The following RPH3A variants were observed in gnomAD, a reference collection of about 807,000 sequenced individuals.
RPH3A encodes the protein rabphilin-3A.
A neutral mutation model predicts 102.2 loss-of-function variants in RPH3A; 48 were observed. The ratio of observed to expected loss-of-function variants is 0.47; its 90% confidence interval spans 0.37 to 0.60. The LOEUF is 0.60. Among genes scored for constraint, RPH3A ranks in the 20% least tolerant of loss-of-function variants. RPH3A has a pLI of 0.00. For synonymous variants in RPH3A, 310 were observed against 324.3 expected (o/e 0.96, Z 0.47); for missense variants, 781 against 910.1 (o/e 0.86, Z 1.83).
intron 1 of RPH3A, among the ~76,000 whole-genome samples, chr12:112,697,891 T>C (rs968671187): frequency 6.6e-6 from 1 of 152,042 alleles, no homozygotes; most frequent in African/African-American, 2.4e-5. Context: ...AACAGACTTT[T>C]TTTTTCTTTA....
At chr12:112,869,689 CT>C in intron 8 of RPH3A, 69 bp from the exon 9 acceptor site, 1 of 1,476,080 alleles carries the variant, frequency 6.8e-7, no homozygotes, top group Non-Finnish European at 9.5e-7. Flanking sequence ...CCTTTGTAGG[CT>C]TCTTAAGTAC....
chr12:112,649,117 T>A (rs925167850), intron 1 of RPH3A, among the ~76,000 whole-genome samples: 9 of 152,230 alleles, frequency 5.9e-5, no homozygotes, highest in Non-Finnish European at 1.2e-4. Flanking sequence ...CAGGCCCCTT[T>A]ACACAAATTT....
At chr12:112,576,135 G>A (rs1401078372) in intron 1 of RPH3A, among the ~76,000 whole-genome samples, 1 of 152,206 alleles carries the variant, frequency 6.6e-6, no homozygotes, top group Non-Finnish European at 1.5e-5. Flanking sequence ...AGGGAAACAG[G>A]TAGGCAAGGT....
chr12:112,797,630 G>T (rs2041258664), intron 2 of RPH3A, among the ~76,000 whole-genome samples: 1 of 152,064 alleles, frequency 6.6e-6, no homozygotes, highest in Non-Finnish European at 1.5e-5. Context: ...TTAATAATCA[G>T]CTGTCCAGCC....
intron 1 of RPH3A, among the ~76,000 whole-genome samples, chr12:112,727,458 G>GACACACACAC (rs60493848): frequency 1.8e-3 from 55 of 30,606 alleles, no homozygotes; most frequent in African/African-American, 0.012. Flanking sequence ...CACAGACACA[G>GACACACACAC]ACACACACAC....
In RPH3A at chr12:112,628,568, CAAAAAAAAAAAAAAAAAAAA is replaced by C. The variant is rs771688201; in HGVS notation, c.-140+53272_-140+53291del. Among the ~76,000 whole-genome samples the C allele has an allele frequency of 5.2e-4, 14 of 27,048 alleles. 1 individual carries two copies. Among genetic ancestry groups the C allele is most frequent in the African/African-American group, 8.0e-4 (6 of 7,506 alleles). The allele number at this position is 27,048 out of a possible 152,430, so 17.7% of individuals were successfully genotyped here. The stretch of plus-strand genomic sequence containing the variant: ...AACATTGCAAGGCCTGTCTTTACCA[CAAAAAAAAAAAAAAAAAAAA>C]AAAAAAAAAAAAAAAAAAAAAATCA... On this transcript the variant is annotated intron_variant, in intron 1 of 21. Transcript: ENST00000543106.
chr12:112,733,420 A>G (rs2040647467), intron 1 of RPH3A, among the ~76,000 whole-genome samples: 1 of 152,086 alleles, frequency 6.6e-6, no homozygotes. Flanking sequence ...CAAGAGGCTT[A>G]CTGGGGGTTA....
rs534931593 is a variant in RPH3A at position 112,705,408 on chromosome 12, T to C, written c.-139-86735T>C. ...AGAAATTCTTGCCACCTACTCAGAG[T>C]AACTCTACTCCTTAAAAGGTATTCT... On this transcript the variant is annotated intron_variant, in intron 1 of 21. Coordinates refer to the RPH3A transcript ENST00000543106. 1.4e-4 allele frequency among the ~76,000 whole-genome samples: 21 copies of C among 152,270 alleles called. 1 individual carries two copies. In the East Asian group the frequency reaches 3.1e-3, roughly 22 times the overall value.
At chr12:112,746,062 C>T (rs1278689451) in intron 1 of RPH3A, among the ~76,000 whole-genome samples, 3 of 152,150 alleles carry the variant, frequency 2.0e-5, no homozygotes. Flanking sequence ...CCCCTTGCAA[C>T]CTGTTCTTCC....
In RPH3A at chr12:112,896,974, G is replaced by C. The variant is rs2043189504; in HGVS notation, c.*194G>C. 5.1e-6 allele frequency: 3 copies of C among 586,220 alleles called. No homozygotes were observed. The South Asian group carries it at 6.3e-5, about 12-fold the overall frequency. 36.3% of individuals were successfully genotyped at this position (586,220 alleles called of 1,614,324 possible). ...CCTCCTCCCTGATGCTGGGATGTGG[G>C]CTCTGAATACAGCCCCTCTCTCATC... is the stretch of plus-strand genomic sequence containing the variant. On this transcript the variant is annotated 3_prime_UTR_variant, in exon 22 of 22. Coordinates refer to ENST00000389385, the MANE Select transcript of RPH3A (RefSeq NM_001143854.2).
rs1555209147 is a variant in RPH3A, at chr12:112,791,867, G to GGGGAGAGA, written c.-284_-283insGGAGAGAG. 3 of 48,482 alleles carry GGGGAGAGA rather than the reference G, an allele frequency of 6.2e-5. No homozygotes were observed. The highest frequency in any genetic ancestry group is 1.1e-4 in the Non-Finnish European group (3 of 27,246). The allele number at this position is 48,482 out of a possible 1,614,324, so 3.0% of individuals were successfully genotyped here. ...CGCGGACTGGAAAGGAAGGGAGAAG[G>GGGGAGAGA]GAGAGAGAGAGAGAGAGAGAGAGAG... On this transcript the variant is annotated 5_prime_UTR_variant, in exon 1 of 22. Coordinates refer to ENST00000389385, the MANE Select transcript of RPH3A (RefSeq NM_001143854.2).
At chr12:112,687,183 T>G (rs1196767553) in intron 1 of RPH3A, among the ~76,000 whole-genome samples, 1 of 152,204 alleles carries the variant, frequency 6.6e-6, no homozygotes, top group Non-Finnish European at 1.5e-5. Context: ...GGGTTTACTA[T>G]TTAAGAAATC....
intron 1 of RPH3A, among the ~76,000 whole-genome samples, chr12:112,756,908 C>A (rs1278331397): frequency 6.6e-6 from 1 of 152,208 alleles, no homozygotes; most frequent in East Asian, 1.9e-4. Flanking sequence ...GTATTATTAA[C>A]CTTTCCAATT....
intron 1 of RPH3A, among the ~76,000 whole-genome samples, chr12:112,599,328 A>G (rs2039540410): frequency 6.6e-6 from 1 of 152,206 alleles, no homozygotes; most frequent in Admixed American, 6.5e-5. Flanking sequence ...AAATAGAAGA[A>G]GAAAACCATA....
intron 1 of RPH3A, among the ~76,000 whole-genome samples, chr12:112,666,294 G>A (rs776720903): frequency 2.6e-5 from 4 of 152,088 alleles, no homozygotes. Context: ...GAAGGTAGGG[G>A]ATATGTCTAA....
In RPH3A at chr12:112,638,608, A is replaced by C. The variant is rs141374808; in HGVS notation, c.-140+63289A>C. 6.9e-3 allele frequency among the ~76,000 whole-genome samples: 1,057 copies of C among 152,330 alleles called. 16 individuals are homozygous for C. Among genetic ancestry groups the C allele is most frequent in the African/African-American group, 0.019 (810 of 41,568 alleles). ...TATGGTCAACAGGGTGGTTTTCTGC[A>C]GGACTTCTCAGAGCCTTTAATATGT... On this transcript the variant is annotated intron_variant, in intron 1 of 21. Transcript: ENST00000543106.
intron 10 of RPH3A, 39 bp from the exon 11 acceptor site, chr12:112,875,044 TG>T: frequency 6.6e-7 from 1 of 1,522,756 alleles, no homozygotes; most frequent in Non-Finnish European, 9.0e-7. Flanking sequence ...TGTGTGTGTG[TG>T]TGACACATAA....
intron 1 of RPH3A, among the ~76,000 whole-genome samples, chr12:112,653,563 T>C (rs536579353): frequency 1.9e-4 from 29 of 152,184 alleles, no homozygotes; most frequent in African/African-American, 6.7e-4. Context: ...TAGGCTACAC[T>C]TAATTTATTT....
At chr12:112,842,516 A>G (rs1414255148) in intron 4 of RPH3A, among the ~76,000 whole-genome samples, 1 of 152,184 alleles carries the variant, frequency 6.6e-6, no homozygotes, top group Non-Finnish European at 1.5e-5. Context: ...ATATGACCCC[A>G]AAGCCTACTC....
Sources: allele counts gnomAD v4.1 joint callset (sites outside exome capture counted in the v4.1 genomes callset), GRCh38; gene constraint gnomAD v4.1.1; transcripts MANE v1.5; gene names NCBI Gene and HGNC (gene_info 2026-07-23, HGNC 2026-07-21).